The following HMGXB3 variants were observed in gnomAD, a reference collection of about 807,000 sequenced individuals.
The protein encoded by HMGXB3 is HMG domain-containing protein 3.
Under a neutral mutation model 121.5 loss-of-function variants are expected in HMGXB3, and 45 were observed. That is an observed-to-expected ratio of 0.37 (90% confidence interval 0.29 to 0.47). HMGXB3 has a LOEUF of 0.47. Ranked by LOEUF, HMGXB3 falls within the 20% of genes least tolerant of loss-of-function variation. The probability of loss-of-function intolerance (pLI) is 0.99; values close to 1 mark genes in which losing one functional copy is unlikely to be tolerated. For missense variants in HMGXB3, 1,376 were observed against 1,602.2 expected, an observed-to-expected ratio of 0.86 and a Z score of 2.41; for synonymous variants, 590 against 624.1, an observed-to-expected ratio of 0.95 and a Z score of 0.81.
chr5:150,031,859 GTC>G (rs1371363461), intron 10 of HMGXB3, among the ~76,000 whole-genome samples: 2 of 152,108 alleles, frequency 1.3e-5, no homozygotes, highest in Non-Finnish European at 2.9e-5. Context: ...AGGAGAATGT[GTC>G]TCTTATCCTG....
rs937899844 is a variant in HMGXB3, at chr5:150,047,627, G to C, written c.2954G>C (p.Ser985Thr). ...CCAGCACTGTTGTCTCTTGCAGGCA[G>C]TGGCAGTGCCTTGGTGAGGCTGCTC... ...KNLDVQPVPG[S>T]GSALVRLLQE... The change falls in exon 17 of 20, where the codon AGT becomes ACT. Residue 985 changes from serine to threonine, a missense_variant. By Grantham distance (58) the Ser-to-Thr change is moderately conservative. Transcript: ENST00000502717. 3.2e-6 allele frequency: 5 copies of C among 1,551,672 alleles called. No homozygotes were observed. The highest frequency in any genetic ancestry group is 4.4e-6 in the Non-Finnish European group (5 of 1,146,962).
chr5:150,033,814 T>C (rs1173901344), intron 11 of HMGXB3, among the ~76,000 whole-genome samples: 2 of 152,038 alleles, frequency 1.3e-5, no homozygotes, highest in Non-Finnish European at 2.9e-5. Flanking sequence ...AGAGAGGCCT[T>C]TTTGATGATG....
chr5:150,020,182 A>G (rs1044489971), intron 6 of HMGXB3, among the ~76,000 whole-genome samples: 3 of 152,220 alleles, frequency 2.0e-5, no homozygotes, highest in African/African-American at 7.2e-5. Flanking sequence ...TGCTATCATC[A>G]TGATAGACAT....
At chr5:150,011,438 A>G (rs1000877225) in intron 4 of HMGXB3, among the ~76,000 whole-genome samples, 1 of 152,120 alleles carries the variant, frequency 6.6e-6, no homozygotes, top group Non-Finnish European at 1.5e-5. Context: ...CTTTCTGTGC[A>G]GGCTAAGAGG....
intron 9 of HMGXB3, 98 bp downstream of exon 9, chr5:150,027,215 C>A: frequency 1.2e-6 from 1 of 842,004 alleles, no homozygotes; most frequent in Non-Finnish European, 1.8e-6. Context: ...ATTTCTTACA[C>A]GTTGGCAGAC....
At chr5:150,001,582 G>A (rs981045544) in intron 1 of HMGXB3, among the ~76,000 whole-genome samples, 4 of 152,194 alleles carry the variant, frequency 2.6e-5, no homozygotes, top group African/African-American at 9.6e-5. Context: ...CTTAAGGTCA[G>A]AGGTCCCCGT....
Position 150,048,164 on chromosome 5 carries a change from A to G in HMGXB3, c.3085-405A>G, listed in dbSNP as rs371893178. Among the ~76,000 whole-genome samples, 22 of 152,350 alleles carry G rather than the reference A, an allele frequency of 1.4e-4. No homozygotes were observed. The East Asian group carries it at 3.9e-3, about 27-fold the overall frequency. ...CTATGCAAGCTCTTAGAAAATGCCT[A>G]CTGTTACATAGTGTATGTGTCTATG... On this transcript the variant is annotated intron_variant, in intron 17 of 19. Coordinates refer to ENST00000502717, the MANE Select transcript of HMGXB3 (RefSeq NM_014983.3).
rs1014182455 is a variant in HMGXB3 at position 150,004,814 on chromosome 5, A to G, written c.-2-37A>G. On this transcript the variant is annotated intron_variant, in intron 1 of 19. Coordinates refer to ENST00000502717, the MANE Select transcript of HMGXB3 (RefSeq NM_014983.3). The stretch of plus-strand genomic sequence containing the variant: ...GAAGCTGCTGCCCCTCTTAGGGGAG[A>G]TTCTGGAAACTTTATTTTGACTTTC... The G allele has an allele frequency of 2.0e-5, 29 of 1,450,776 alleles. No individual in the cohort carries two copies. In the African/African-American group the frequency reaches 3.8e-4, roughly 19 times the overall value. 89.9% of individuals were successfully genotyped at this position (1,450,776 alleles called of 1,614,324 possible).
At chr5:150,050,106 G>C in intron 18 of HMGXB3, 146 bp from the exon 19 acceptor site, 1 of 685,488 alleles carries the variant, frequency 1.5e-6, no homozygotes, top group East Asian at 2.7e-5. Flanking sequence ...GAAGGGAGCA[G>C]CATGCCATGG....
chr5:150,014,741 A>T, intron 5 of HMGXB3: 1 of 263,772 alleles, frequency 3.8e-6, no homozygotes. Flanking sequence ...CAAGAGGCAA[A>T]GGCAAGGTGG....
At chr5:150,037,125 A>G (rs1488574115) in intron 12 of HMGXB3, among the ~76,000 whole-genome samples, 188 bp downstream of exon 12, 1 of 152,210 alleles carries the variant, frequency 6.6e-6, no homozygotes, top group Non-Finnish European at 1.5e-5. Context: ...GAAATGCCTG[A>G]AAGTTATCAC....
chr5:150,008,115 T>C (rs1755751125), intron 3 of HMGXB3, among the ~76,000 whole-genome samples: 1 of 151,834 alleles, frequency 6.6e-6, no homozygotes, highest in African/African-American at 2.4e-5. Context: ...GCAATCTTTT[T>C]GTGCATGATA....
chr5:150,045,297 G>T (rs1756731637), intron 15 of HMGXB3, among the ~76,000 whole-genome samples, 169 bp from the exon 16 acceptor site: 1 of 152,176 alleles, frequency 6.6e-6, no homozygotes, highest in Non-Finnish European at 1.5e-5. Context: ...TGACCAAAAG[G>T]CAGGTGGGTA....
At chr5:150,050,162 A>T in intron 18 of HMGXB3, 90 bp from the exon 19 acceptor site, 1 of 1,154,940 alleles carries the variant, frequency 8.7e-7, no homozygotes, top group Non-Finnish European at 1.3e-6. Context: ...CTGATTGCTC[A>T]TCTTCCTGGG....
In HMGXB3 at chr5:150,050,415, G is replaced by A. The variant is rs1007775202; in HGVS notation, c.3365G>A (p.Trp1122Ter). ...TACCCAGAGCTGACTAACCAGATGT[G>A]GGGGAGGAACCAGGGCTGTTTCTCT... The part of the protein sequence containing the change: ...LCYPELTNQM[W>*]GRNQGCFSSP... The change falls in exon 19 of 20, where the codon TGG becomes TAG. Residue 1122 changes from tryptophan to a stop codon, truncating the protein, a stop_gained. Transcript: ENST00000502717. LOFTEE classifies it high-confidence loss of function. The A allele has an allele frequency of 6.4e-7, 1 of 1,551,704 alleles. No homozygotes were observed. Among genetic ancestry groups the A allele is most frequent in the Non-Finnish European group, 8.7e-7 (1 of 1,146,986 alleles).
At position 150,030,794 on chromosome 5, in the gene HMGXB3, G is replaced by A. The variant is rs1322939503; in HGVS notation, c.1788G>A (p.Lys596=). 1.9e-6 allele frequency: 3 copies of A among 1,552,092 alleles called. No homozygotes were observed. The highest frequency in any genetic ancestry group is 2.7e-5 in the African/African-American group (2 of 73,052). ...RTSQVKVVEV[K]PDMFPPYKYS... ...CTCAGGTGAAAGTTGTGGAGGTCAAGCCCGATATGTTTCCTCCATATAAGT... is the reference window on the plus strand; with the variant it reads ...CTCAGGTGAAAGTTGTGGAGGTCAAACCCGATATGTTTCCTCCATATAAGT... Residue 596 remains lysine, a synonymous_variant, in exon 10 of 20, where the codon AAG becomes AAA. Coordinates refer to ENST00000502717, the MANE Select transcript of HMGXB3 (RefSeq NM_014983.3).
At chr5:150,020,973 C>A (rs989943385) in intron 6 of HMGXB3, among the ~76,000 whole-genome samples, 24 of 151,948 alleles carry the variant, frequency 1.6e-4, no homozygotes, top group African/African-American at 4.6e-4. Flanking sequence ...GAACTCCTGG[C>A]CTCAAGTGAT....
In HMGXB3 at chr5:150,051,820, G is replaced by A. The variant is rs927090583; in HGVS notation, c.3507G>A (p.Thr1169=). ...SIQHPVTKTA[T]RRIVHAGLQP... The stretch of plus-strand genomic sequence containing the variant: ...AGCACCCAGTCACCAAGACTGCCAC[G>A]CGGCGCATCGTCCATGCAGGCCTAC... Residue 1169 remains threonine, a synonymous_variant, in exon 20 of 20, where the codon ACG becomes ACA. Transcript: ENST00000502717. 48 of 1,549,114 alleles carry A rather than the reference G, an allele frequency of 3.1e-5. No homozygotes were observed. The highest frequency in any genetic ancestry group is 7.3e-5 in the East Asian group (3 of 40,940).
intron 10 of HMGXB3, among the ~76,000 whole-genome samples, chr5:150,031,464 C>T (rs1327319741): frequency 6.6e-6 from 1 of 152,244 alleles, no homozygotes; most frequent in East Asian, 1.9e-4. Flanking sequence ...CTGCTGCTAG[C>T]ATGCCATATG....
Sources: gnomAD v4.1 joint callset for allele counts (sites outside exome capture counted in the v4.1 genomes callset) on GRCh38, gnomAD v4.1.1 for gene constraint, MANE v1.5 for transcripts, NCBI Gene and HGNC (gene_info 2026-07-23, HGNC 2026-07-21) for gene names.